INTS6L: variants seen among roughly 807,000 people sequenced by gnomAD.
INTS6L encodes integrator complex subunit 6-like.
Under a neutral mutation model 64.7 loss-of-function variants are expected in INTS6L, and 18 were observed. The ratio of observed to expected loss-of-function variants is 0.28; its 90% confidence interval spans 0.19 to 0.41. INTS6L has a LOEUF of 0.41. Ranked by LOEUF, INTS6L falls within the 10% of genes least tolerant of loss-of-function variation. INTS6L has a pLI of 1.00. For missense variants in INTS6L, 533 were observed against 661.0 expected (o/e 0.81, Z 2.12); for synonymous variants, 227 against 235.9 (o/e 0.96, Z 0.34).
chrX:135,581,220 G>A, intron 17 of INTS6L, 77 bp downstream of exon 17: 1 of 771,297 alleles, frequency 1.3e-6, no homozygotes, highest in Non-Finnish European at 1.8e-6. Flanking sequence ...AAAAAGAGAG[G>A]AATAGGCTCT....
At position 135,569,535 on chromosome X, in the gene INTS6L, CTT is replaced by C. The variant is rs1556526576; in HGVS notation, c.1287+108_1287+109del. 5 of 455,518 alleles carry C rather than the reference CTT, an allele frequency of 1.1e-5. No individual in the cohort carries two copies. The Admixed American group carries it at 1.4e-4, about 13-fold the overall frequency. The allele number at this position is 455,518 out of a possible 1,213,427, so 37.5% of individuals were successfully genotyped here. A position where few individuals can be genotyped will look rare whatever the true frequency, so the allele number is the denominator to read the frequency against. ...TTTACTGTTGCAATAAGAGAGATAT[CTT>C]TTTATTTTACAGATATTTGTGTCGT... On this transcript the variant is annotated intron_variant, in intron 10 of 17. Coordinates refer to ENST00000639893, the MANE Select transcript of INTS6L (RefSeq NM_001351601.3).
In INTS6L at chrX:135,577,211, G is replaced by A; in HGVS notation, c.1903G>A (p.Ala635Thr). ...QDKKGMMIDE[A>T]DEFVAGPQNK... ...TTTTTAGGGAATGATGATTGATGAAGCAGATGAGTTTGTAGCAGGGCCACA... is the reference window on the plus strand; with the variant it reads ...TTTTTAGGGAATGATGATTGATGAAACAGATGAGTTTGTAGCAGGGCCACA... The change falls in exon 15 of 18, where the codon GCA (alanine) becomes ACA (threonine). Residue 635 changes from alanine to threonine, a missense_variant. By Grantham distance (58) the Ala-to-Thr change is moderately conservative. Coordinates refer to ENST00000639893, the MANE Select transcript of INTS6L (RefSeq NM_001351601.3). 1 of 1,211,084 alleles carries A rather than the reference G, an allele frequency of 8.3e-7. No individual in the cohort carries two copies. Among genetic ancestry groups the A allele is most frequent in the Non-Finnish European group, 1.1e-6 (1 of 895,122 alleles).
chrX:135,521,936 C>T (rs1556497625), intron 2 of INTS6L, among the ~76,000 whole-genome samples: 1 of 110,066 alleles, frequency 9.1e-6, no homozygotes, highest in African/African-American at 3.3e-5. Context: ...GTCCCCTCCC[C>T]TTCCTGCTGA....
Position 135,549,732 on chromosome X carries a change from C to T in INTS6L, c.833C>T (p.Ser278Phe), listed in dbSNP as rs782552227. ...CHKLIYVRPN[S>F]KTGVPVGHWP... is the part of the protein sequence containing the mutation. ...AAACTCATTTATGTACGACCTAACT[C>T]TAAAACTGGTGTTCCTGTTGGACAT... Residue 278 changes from serine to phenylalanine, a missense_variant, in exon 7 of 18, where the codon TCT becomes TTT. By Grantham distance (155) the Ser-to-Phe change is radical. Coordinates refer to ENST00000639893, the MANE Select transcript of INTS6L (RefSeq NM_001351601.3). The T allele has an allele frequency of 8.2e-7, 1 of 1,212,145 alleles. No individual in the cohort carries two copies. Among genetic ancestry groups the T allele is most frequent in the South Asian group, 1.8e-5 (1 of 57,013 alleles).
At chrX:135,553,262 G>T (rs1556517705) in intron 8 of INTS6L, among the ~76,000 whole-genome samples, 1 of 110,939 alleles carries the variant, frequency 9.0e-6, no homozygotes, top group African/African-American at 3.3e-5. Flanking sequence ...GACACAAGGA[G>T]ATGTCTGGTT....
intron 13 of INTS6L, 92 bp downstream of exon 13, chrX:135,574,154 T>C: frequency 1.0e-6 from 1 of 960,748 alleles, no homozygotes. Context: ...AGTAGGCTAT[T>C]TTATAGTATT....
In INTS6L at chrX:135,542,521, AAGAG is replaced by A. The variant is rs1219095595; in HGVS notation, c.190-2892_190-2889del. 6.5e-5 allele frequency among the ~76,000 whole-genome samples: 7 copies of A among 107,339 alleles called. No individual in the cohort carries two copies. The East Asian group carries it at 1.2e-3, about 18-fold the overall frequency. 93.2% of individuals were successfully genotyped at this position (107,339 alleles called of 115,157 possible). A position where few individuals can be genotyped will look rare whatever the true frequency, so the allele number is the denominator to read the frequency against. Reference sequence around the variant, plus strand: ...TCAAAAAAAAGGAAAGAAAAAGAAAAAGAGAGAGAGAGAAGGAGAGAAGGGAGGG... The same window carrying A: ...TCAAAAAAAAGGAAAGAAAAAGAAAAAGAGAGAGAAGGAGAGAAGGGAGGG... On this transcript the variant is annotated intron_variant, in intron 2 of 17. Coordinates refer to ENST00000639893, the MANE Select transcript of INTS6L (RefSeq NM_001351601.3).
At chrX:135,563,342 G>A (rs933901112) in intron 9 of INTS6L, among the ~76,000 whole-genome samples, 2 of 110,185 alleles carry the variant, frequency 1.8e-5, no homozygotes, top group Non-Finnish European at 3.8e-5. Flanking sequence ...TATAACTTTC[G>A]CTTCAACTGT....
rs1345574313 is a variant in INTS6L at position 135,572,636 on chromosome X, CCTAT to C, written c.1399-176_1399-173del. 40 of 381,525 alleles carry C rather than the reference CCTAT, an allele frequency of 1.0e-4. No individual in the cohort carries two copies. In the Middle Eastern group the frequency reaches 2.9e-3, roughly 28 times the overall value. 31.4% of individuals were successfully genotyped at this position (381,525 alleles called of 1,213,427 possible). A position where few individuals can be genotyped will look rare whatever the true frequency, so the allele number is the denominator to read the frequency against. ...AAAATATTATTTGTCTTTCCTGCCC[CCTAT>C]CTGTTTGCTGTGATAGTGCAAAGAA... On this transcript the variant is annotated intron_variant, in intron 11 of 17. Coordinates refer to ENST00000639893, the MANE Select transcript of INTS6L (RefSeq NM_001351601.3).
At chrX:135,580,769 C>A (rs1157737381) in intron 16 of INTS6L, among the ~76,000 whole-genome samples, 9 of 112,648 alleles carry the variant, frequency 8.0e-5, no homozygotes, top group African/African-American at 2.6e-4. Context: ...ATTACACCTG[C>A]AAAGTAAAGT....
At position 135,575,229 on chromosome X, in the gene INTS6L, A is replaced by AG. The variant is rs2087192679; in HGVS notation, c.1884+5dup. ...ATCCGTTTAAACAAGATAAGAAGGT[A>AG]GGATACCTATGCCTATGTCTGCCTA... On this transcript the variant is annotated splice_donor_region_variant and intron_variant, in intron 14 of 17. Transcript: ENST00000639893. 1 of 1,205,614 alleles carries AG rather than the reference A, an allele frequency of 8.3e-7. No homozygotes were observed. Among genetic ancestry groups the AG allele is most frequent in the Non-Finnish European group, 1.1e-6 (1 of 893,213 alleles).
At chrX:135,546,271 C>T (rs2086353228) in intron 3 of INTS6L, 109 bp from the exon 4 acceptor site, 2 of 465,808 alleles carry the variant, frequency 4.3e-6, no homozygotes, top group Admixed American at 5.6e-5. Flanking sequence ...CTTATTTATC[C>T]AGACAAATTT....
chrX:135,581,175 G>T (rs1166798981), intron 17 of INTS6L, 32 bp downstream of exon 17: 1 of 1,099,589 alleles, frequency 9.1e-7, no homozygotes, highest in South Asian at 2.2e-5. Flanking sequence ...TCAATTTTTT[G>T]TTTTTGTTTT....
intron 16 of INTS6L, among the ~76,000 whole-genome samples, chrX:135,580,396 T>C (rs1230900603): frequency 8.9e-6 from 1 of 112,736 alleles, no homozygotes; most frequent in African/African-American, 3.2e-5. Context: ...ATCAAAAGAT[T>C]CCTAGCTTAA....
intron 2 of INTS6L, among the ~76,000 whole-genome samples, chrX:135,534,862 T>C (rs1234256268): frequency 9.2e-6 from 1 of 108,775 alleles, no homozygotes; most frequent in African/African-American, 3.4e-5. Flanking sequence ...GAGAGAGGAG[T>C]CTCGCTGTGT....
chrX:135,521,782 A>AG (rs1556497373), intron 2 of INTS6L, among the ~76,000 whole-genome samples: 2 of 104,261 alleles, frequency 1.9e-5, no homozygotes, highest in Non-Finnish European at 4.0e-5. Context: ...GGAGCCTGCG[A>AG]CTCCGCCCCG....
chrX:135,525,512 G>A (rs939165140), intron 2 of INTS6L, among the ~76,000 whole-genome samples: 5 of 112,174 alleles, frequency 4.5e-5, no homozygotes, highest in Admixed American at 9.4e-5. Context: ...TTTTCCCTGA[G>A]TGTTGCCTTT....
Position 135,581,687 on chromosome X carries a change from A to G in INTS6L, c.*51A>G, listed in dbSNP as rs782205037. The G allele has an allele frequency of 3.8e-6, 4 of 1,052,456 alleles. No homozygotes were observed. The highest frequency in any genetic ancestry group is 4.0e-6 in the Non-Finnish European group (3 of 756,813). 86.7% of individuals were successfully genotyped at this position (1,052,456 alleles called of 1,213,427 possible). On this transcript the variant is annotated 3_prime_UTR_variant, in exon 18 of 18. Transcript: ENST00000639893. ...ACAAGTTTTCTGTGCTGTAGGATGGAACAGGATATTGTTGAAGCCTCCTGG... is the reference window on the plus strand; with the variant it reads ...ACAAGTTTTCTGTGCTGTAGGATGGGACAGGATATTGTTGAAGCCTCCTGG...
chrX:135,577,452 CT>C, intron 15 of INTS6L, 25 bp downstream of exon 15: 3 of 1,177,712 alleles, frequency 2.5e-6, no homozygotes, highest in Non-Finnish European at 3.5e-6. Flanking sequence ...TTGTGATTTC[CT>C]TATGGCTCCT....
Sources: allele counts gnomAD v4.1 joint callset (sites outside exome capture counted in the v4.1 genomes callset), GRCh38; gene constraint gnomAD v4.1.1; transcripts MANE v1.5; gene names NCBI Gene and HGNC (gene_info 2026-07-23, HGNC 2026-07-21).